The following DPP6 variants were observed in gnomAD, a reference collection of about 807,000 sequenced individuals.
DPP6 encodes dipeptidyl peptidase like 6, also known as A-type potassium channel modulatory protein DPP6.
DPP6 carries 69 observed loss-of-function variants against 122.6 expected under a neutral mutation model. That is an observed-to-expected ratio of 0.56 (90% CI 0.46 to 0.69). DPP6 has a LOEUF of 0.69. Among genes scored for constraint, DPP6 ranks in the 30% least tolerant of loss-of-function variants. The pLI, the probability that DPP6 is intolerant of heterozygous loss-of-function variation, is 0.00. For synonymous variants in DPP6, 418 were observed against 433.1 expected (o/e 0.97, Z 0.43); for missense variants, 928 against 1,116.9 (o/e 0.83, Z 2.41).
intron 1 of DPP6, among the ~76,000 whole-genome samples, chr7:154,177,951 G>T (rs75766433): frequency 2.0e-5 from 3 of 152,172 alleles, no homozygotes; most frequent in Admixed American, 6.5e-5. Context: ...TCAGCATTGG[G>T]TGAGGCAGGA....
At chr7:154,700,745 C>A (rs1840473320) in intron 7 of DPP6, among the ~76,000 whole-genome samples, 1 of 150,718 alleles carries the variant, frequency 6.6e-6, no homozygotes, top group Admixed American at 6.6e-5. Context: ...ACACAGACCT[C>A]ATCTGTCCAG....
At chr7:154,838,699 G>A (rs1030200064) in intron 16 of DPP6, 1 of 152,250 alleles carries the variant, frequency 6.6e-6, no homozygotes. Flanking sequence ...GATAACGGGA[G>A]GCTTTGTGTG....
At chr7:154,295,795 T>G (rs1460786701) in intron 1 of DPP6, among the ~76,000 whole-genome samples, 1 of 152,222 alleles carries the variant, frequency 6.6e-6, no homozygotes, top group Non-Finnish European at 1.5e-5. Context: ...TTTGAGTTTA[T>G]ACATGGATGC....
chr7:154,753,446 C>G (rs954466667), intron 8 of DPP6, among the ~76,000 whole-genome samples: 2 of 152,136 alleles, frequency 1.3e-5, no homozygotes, highest in African/African-American at 4.8e-5. Flanking sequence ...CCACAGGAGA[C>G]AGCGACCACC....
chr7:154,879,476 G>T (rs1270255695), intron 20 of DPP6, among the ~76,000 whole-genome samples: 1 of 134,070 alleles, frequency 7.5e-6, no homozygotes, highest in South Asian at 2.4e-4. Flanking sequence ...TGTAGTCCCA[G>T]CTACTCGGGA....
chr7:154,422,401 G>T (rs1438090432), intron 1 of DPP6, among the ~76,000 whole-genome samples: 1 of 152,156 alleles, frequency 6.6e-6, no homozygotes. Context: ...TATTTTATTT[G>T]TTTGGGGATG....
chr7:154,349,691 TG>T (rs2151076768), intron 1 of DPP6, among the ~76,000 whole-genome samples: 1 of 152,336 alleles, frequency 6.6e-6, no homozygotes, highest in East Asian at 1.9e-4. Flanking sequence ...TATGTTCGCC[TG>T]TGTGACTTAA....
intron 10 of DPP6, chr7:154,793,508 C>T (rs1284769573): frequency 1.3e-5 from 2 of 152,156 alleles, no homozygotes; most frequent in Admixed American, 1.3e-4. Context: ...CGCCTGAAGC[C>T]CAGAGCCATG....
At chr7:154,424,201 A>G (rs1406388692) in intron 1 of DPP6, among the ~76,000 whole-genome samples, 6 of 152,234 alleles carry the variant, frequency 3.9e-5, no homozygotes, top group African/African-American at 1.4e-4. Context: ...GTTGCAGATT[A>G]GGGTGTTGTC....
the DPP6 span, among the ~76,000 whole-genome samples, chr7:153,868,525 AT>A: frequency 6.6e-6 from 1 of 151,784 alleles, no homozygotes. Context: ...TATTGCATCT[AT>A]TTGATTCTTC....
At chr7:153,876,762 C>A in the DPP6 span, among the ~76,000 whole-genome samples, 1 of 151,990 alleles carries the variant, frequency 6.6e-6, no homozygotes, top group Non-Finnish European at 1.5e-5. Flanking sequence ...GAGGGTACAG[C>A]CTCCTACACA....
At chr7:154,758,643 A>G (rs1795310965) in intron 8 of DPP6, among the ~76,000 whole-genome samples, 1 of 152,194 alleles carries the variant, frequency 6.6e-6, no homozygotes, top group South Asian at 2.1e-4. Flanking sequence ...AAGTGCTGAG[A>G]TTACAGGTGT....
At chr7:153,804,475 C>T in the DPP6 span, among the ~76,000 whole-genome samples, 4 of 152,066 alleles carry the variant, frequency 2.6e-5, no homozygotes, top group East Asian at 1.9e-4. Context: ...CAAACCCTAT[C>T]GTCAGGGAAA....
At position 154,015,959 on chromosome 7, in the gene DPP6, C is replaced by T. The variant is rs1357312086; in HGVS notation, c.51+128225C>T. Among the ~76,000 whole-genome samples, 11 of 152,180 alleles carry T rather than the reference C, an allele frequency of 7.2e-5. No homozygotes were observed. The South Asian group carries it at 8.3e-4, about 11-fold the overall frequency. On this transcript the variant is annotated intron_variant, in intron 1 of 25. Coordinates refer to the DPP6 transcript ENST00000404039. ...ACTGACCTCTAATGGTGTGCACGCC[C>T]TGTTCCTCGGCCCTTATAAGACCCC...
rs1823842214 is a variant in DPP6, at chr7:154,486,856, T to C, written c.457+11819T>C. On this transcript the variant is annotated intron_variant, in intron 3 of 25. Coordinates refer to ENST00000377770, the MANE Select transcript of DPP6 (RefSeq NM_130797.4). This position sits in a 1 kb window ranked among gnomAD's most constrained non-coding sequence, Gnocchi z 4.5. ...CTGCCTGTAGGTCCTCTGGGCGGACTCTAGTTCCTAACTGATGGATGATGC... is the reference window on the plus strand; with the variant it reads ...CTGCCTGTAGGTCCTCTGGGCGGACCCTAGTTCCTAACTGATGGATGATGC... Among the ~76,000 whole-genome samples the C allele has an allele frequency of 6.6e-6, 1 of 152,180 alleles. No individual in the cohort carries two copies. The highest frequency in any genetic ancestry group is 1.5e-5 in the Non-Finnish European group (1 of 68,032).
At chr7:154,030,394 T>TGG (rs1300402431) in intron 1 of DPP6, among the ~76,000 whole-genome samples, 1 of 152,130 alleles carries the variant, frequency 6.6e-6, no homozygotes, top group Non-Finnish European at 1.5e-5. Flanking sequence ...AGGTGTGAGT[T>TGG]GGGACCTGAG....
At chr7:154,751,926 A>C (rs978053451) in intron 8 of DPP6, among the ~76,000 whole-genome samples, 13 of 152,142 alleles carry the variant, frequency 8.5e-5, no homozygotes, top group Non-Finnish European at 1.5e-4. Flanking sequence ...GTGTCACCCT[A>C]AAAAGGGATC....
At chr7:154,268,868 A>G (rs1177571993) in intron 1 of DPP6, among the ~76,000 whole-genome samples, 1 of 151,086 alleles carries the variant, frequency 6.6e-6, no homozygotes, top group Non-Finnish European at 1.5e-5. Context: ...GAATTACTAT[A>G]TTAGAACCTT....
chr7:154,362,824 A>G (rs761744461), intron 1 of DPP6, among the ~76,000 whole-genome samples: 1 of 152,162 alleles, frequency 6.6e-6, no homozygotes, highest in Non-Finnish European at 1.5e-5. Context: ...ATTCAAGGCC[A>G]CCTGGGCTGG....
Sources: gnomAD v4.1 joint callset for allele counts (sites outside exome capture counted in the v4.1 genomes callset) on GRCh38, gnomAD v4.1.1 for gene constraint, Gnocchi (gnomAD v3.1) non-coding constraint, MANE v1.5 for transcripts, NCBI Gene and HGNC (gene_info 2026-07-23, HGNC 2026-07-21) for gene names.